DIS3L2: variants seen among roughly 807,000 people sequenced by gnomAD.
DIS3L2 encodes DIS3 like 3'-5' exoribonuclease 2, also known as DIS3-like exonuclease 2.
In DIS3L2, 34 loss-of-function variants were observed where a neutral mutation model predicts 97.5. The ratio of observed to expected loss-of-function variants is 0.35; its 90% CI spans 0.27 to 0.46. DIS3L2 has a LOEUF of 0.46. Among genes scored for constraint, DIS3L2 ranks in the 20% least tolerant of loss-of-function variants. The pLI is 1.00. For missense variants in DIS3L2, 1,038 were observed against 1,146.0 expected (o/e 0.91, Z 1.36); for synonymous variants, 435 against 445.2 (o/e 0.98, Z 0.29).
At chr2:232,083,639 C>T (rs568554050) in intron 5 of DIS3L2, among the ~76,000 whole-genome samples, 104 of 151,940 alleles carry the variant, frequency 6.8e-4, no homozygotes, top group Non-Finnish European at 1.3e-3. Flanking sequence ...GGATTACACA[C>T]GTGTGCCACC....
intron 14 of DIS3L2, among the ~76,000 whole-genome samples, chr2:232,316,874 TTG>T (rs1380611435): frequency 1.3e-5 from 2 of 152,250 alleles, no homozygotes; most frequent in African/African-American, 4.8e-5. Flanking sequence ...TCGCTATCTT[TTG>T]TGTCATAAAT....
At chr2:232,221,924 C>A (rs1433208592) in intron 10 of DIS3L2, among the ~76,000 whole-genome samples, 2 of 131,562 alleles carry the variant, frequency 1.5e-5, no homozygotes, top group African/African-American at 5.3e-5. Context: ...TGTTCCTCTT[C>A]CATGCGAAGT....
rs184820961 is a variant in DIS3L2, at chr2:231,987,747, T to C, written c.-94+25982T>C. ...ATTACAGTGCTGGTGTTTTGACTTC[T>C]TTTTTTGAAGTGGTAGGGAGAAGAA... On this transcript the variant is annotated intron_variant, in intron 1 of 20. Coordinates refer to ENST00000325385, the MANE Select transcript of DIS3L2 (RefSeq NM_152383.5). 2.6e-3 allele frequency among the ~76,000 whole-genome samples: 401 copies of C among 152,342 alleles called. 2 individuals carry two copies. The highest frequency in any genetic ancestry group is 4.1e-3 in the Non-Finnish European group (282 of 68,030).
At chr2:232,079,599 CAAAA>C (rs760870721) in intron 5 of DIS3L2, among the ~76,000 whole-genome samples, 2 of 29,630 alleles carry the variant, frequency 6.7e-5, no homozygotes, top group African/African-American at 1.7e-4. Context: ...GACTCTATCT[CAAAA>C]AAAAAAAAAA....
intron 14 of DIS3L2, among the ~76,000 whole-genome samples, chr2:232,309,148 G>C (rs1217116900): frequency 6.6e-6 from 1 of 152,178 alleles, no homozygotes; most frequent in African/African-American, 2.4e-5. Flanking sequence ...GTGAGTCTTT[G>C]AGCAGCTGAG....
intron 11 of DIS3L2, among the ~76,000 whole-genome samples, chr2:232,245,801 G>A (rs1693231256): frequency 6.6e-6 from 1 of 152,164 alleles, no homozygotes; most frequent in Non-Finnish European, 1.5e-5. Context: ...CACAACCACT[G>A]CATGTGCTGG....
At position 232,000,460 on chromosome 2, in the gene DIS3L2, CCTATCTGTTCAA is replaced by C. The variant is rs1559528791; in HGVS notation, c.-93-14372_-93-14361del. Reference sequence around the variant, plus strand: ...CCTCTGGTAACCACCATTCTCTGTTCCTATCTGTTCAACTTTTTTACACGGCACATATAAATG... The same window carrying C: ...CCTCTGGTAACCACCATTCTCTGTTCCTTTTTTACACGGCACATATAAATG... On this transcript the variant is annotated intron_variant, in intron 1 of 20. Coordinates refer to ENST00000325385, the MANE Select transcript of DIS3L2 (RefSeq NM_152383.5). Among the ~76,000 whole-genome samples the C allele has an allele frequency of 3.3e-5, 5 of 152,206 alleles. No homozygotes were observed. The South Asian group carries it at 1.0e-3, about 32-fold the overall frequency.
intron 8 of DIS3L2, among the ~76,000 whole-genome samples, chr2:232,148,453 T>C (rs1319575568): frequency 2.6e-5 from 4 of 152,178 alleles, no homozygotes; most frequent in African/African-American, 9.7e-5. Context: ...TCTATGCTGC[T>C]GTAAAATAGA....
chr2:232,114,515 G>A (rs569888452), intron 6 of DIS3L2, among the ~76,000 whole-genome samples: 17 of 152,174 alleles, frequency 1.1e-4, no homozygotes, highest in Non-Finnish European at 2.2e-4. Context: ...GTTTCATAGG[G>A]GACATTCAGG....
rs1328553468 is a variant in DIS3L2, at chr2:232,136,374, G to A, written c.703-98G>A. 4.1e-6 allele frequency: 6 copies of A among 1,480,174 alleles called. No homozygotes were observed. The Admixed American group carries it at 1.2e-4, about 30-fold the overall frequency. The allele number at this position is 1,480,174 out of a possible 1,614,324, so 91.7% of individuals were successfully genotyped here. On this transcript the variant is annotated intron_variant, in intron 7 of 20. Coordinates refer to ENST00000325385, the MANE Select transcript of DIS3L2 (RefSeq NM_152383.5). ...TTATTTTGACCTAGAAAAACTGCTG[G>A]TTCCTGCTAGTTGATCAAATTATAA...
intron 3 of DIS3L2, among the ~76,000 whole-genome samples, chr2:232,021,347 A>G (rs1402783922): frequency 1.3e-5 from 2 of 152,210 alleles, no homozygotes; most frequent in Non-Finnish European, 2.9e-5. Context: ...ATGTGGTCAC[A>G]GCTTTGGGCT....
At chr2:232,160,559 T>A (rs1230293880) in intron 8 of DIS3L2, among the ~76,000 whole-genome samples, 3 of 152,164 alleles carry the variant, frequency 2.0e-5, no homozygotes, top group Non-Finnish European at 4.4e-5. Flanking sequence ...GCTAGAAATT[T>A]ATCTGTTTTT....
intron 5 of DIS3L2, among the ~76,000 whole-genome samples, chr2:232,048,688 G>A (rs934942104): frequency 2.0e-5 from 3 of 151,234 alleles, no homozygotes; most frequent in South Asian, 2.1e-4. Context: ...GCCCAGACGC[G>A]CCACTGCACT....
At chr2:232,054,097 G>A (rs892403563) in intron 5 of DIS3L2, among the ~76,000 whole-genome samples, 6 of 152,096 alleles carry the variant, frequency 3.9e-5, no homozygotes, top group Non-Finnish European at 8.8e-5. Flanking sequence ...AAAATTCCTG[G>A]GGTTTTTAGG....
chr2:232,320,980 C>G (rs1324476445), intron 14 of DIS3L2, among the ~76,000 whole-genome samples: 1 of 152,188 alleles, frequency 6.6e-6, no homozygotes, highest in Admixed American at 6.5e-5. Context: ...TGAACTGAAC[C>G]TGTACAGCCC....
At chr2:232,314,735 GT>G (rs1276744211) in intron 14 of DIS3L2, among the ~76,000 whole-genome samples, 1 of 152,194 alleles carries the variant, frequency 6.6e-6, no homozygotes, top group African/African-American at 2.4e-5. Context: ...CTTTCTTCAT[GT>G]TTTTGCGATG....
chr2:232,312,567 A>G (rs879727222), intron 14 of DIS3L2, among the ~76,000 whole-genome samples: 1 of 152,220 alleles, frequency 6.6e-6, no homozygotes, highest in Non-Finnish European at 1.5e-5. Context: ...AAGAGCACCT[A>G]TGCTATTCTT....
chr2:232,051,924 T>TC (rs1695419546), intron 5 of DIS3L2, among the ~76,000 whole-genome samples: 1 of 150,676 alleles, frequency 6.6e-6, no homozygotes, highest in Non-Finnish European at 1.5e-5. Context: ...TGGATAATTC[T>TC]CCCCCCAAAT....
At chr2:232,129,401 A>G (rs927468625) in intron 6 of DIS3L2, among the ~76,000 whole-genome samples, 1 of 152,234 alleles carries the variant, frequency 6.6e-6, no homozygotes, top group African/African-American at 2.4e-5. Context: ...ATGTTCTAAA[A>G]GCATTTGATG....
Sources: allele counts gnomAD v4.1 joint callset (sites outside exome capture counted in the v4.1 genomes callset), GRCh38; gene constraint gnomAD v4.1.1; transcripts MANE v1.5; gene names NCBI Gene and HGNC (gene_info 2026-07-23, HGNC 2026-07-21).